ROBO2: variants seen among roughly 807,000 people sequenced by gnomAD.
ROBO2 encodes roundabout homolog 2.
A neutral mutation model predicts 160.8 loss-of-function variants in ROBO2; 53 were observed. The ratio of observed to expected loss-of-function variants is 0.33; its 90% CI spans 0.26 to 0.41. ROBO2 has a LOEUF of 0.41. ROBO2 is among the 10% of genes least tolerant of loss of function. The pLI, the probability that ROBO2 is intolerant of heterozygous loss-of-function variation, is 1.00. For synonymous variants in ROBO2, 664 were observed against 611.7 expected (o/e 1.09, Z -1.26); for missense variants, 1,577 against 1,722.4 (o/e 0.92, Z 1.49).
chr3:76,961,877 T>C (rs2079689420), intron 2 of ROBO2, among the ~76,000 whole-genome samples: 1 of 152,182 alleles, frequency 6.6e-6, no homozygotes, highest in Non-Finnish European at 1.5e-5. Context: ...ATTCAGCGAT[T>C]CATTCTTTGT....
In ROBO2 at chr3:77,317,128, T is replaced by C. The variant is rs554066106; in HGVS notation, c.389-160286T>C. ...GCTCTGGGTCACTCAGGAAGGACTTTGCAGTCTCAAAACGCATCTGGTACC... is the reference window on the plus strand; with the variant it reads ...GCTCTGGGTCACTCAGGAAGGACTTCGCAGTCTCAAAACGCATCTGGTACC... On this transcript the variant is annotated intron_variant, in intron 2 of 25. Coordinates refer to ENST00000461745, the Ensembl canonical transcript of ROBO2. 36 of 1,207,778 alleles carry C rather than the reference T, an allele frequency of 3.0e-5. No individual in the cohort carries two copies. The African/African-American group carries it at 5.2e-4, about 17-fold the overall frequency. The allele number at this position is 1,207,778 out of a possible 1,614,324, so 74.8% of individuals were successfully genotyped here.
At chr3:76,867,823 A>T (rs537486139) in intron 2 of ROBO2, among the ~76,000 whole-genome samples, 1 of 152,320 alleles carries the variant, frequency 6.6e-6, no homozygotes, top group African/African-American at 2.4e-5. Flanking sequence ...GCTTTCAATA[A>T]GAGAGAACAT....
chr3:76,273,030 A>T (rs1256727587), intron 2 of ROBO2, among the ~76,000 whole-genome samples: 1 of 100,322 alleles, frequency 1.0e-5, no homozygotes, highest in Non-Finnish European at 1.8e-5. Context: ...TATAATATAT[A>T]TTTATAAAAT....
chr3:77,412,337 G>C (rs2076871669), intron 2 of ROBO2, among the ~76,000 whole-genome samples: 1 of 152,212 alleles, frequency 6.6e-6, no homozygotes, highest in African/African-American at 2.4e-5. Flanking sequence ...ATGGGACAGA[G>C]CTGCTGAGCT....
rs568401584 is a variant in ROBO2 at position 77,422,360 on chromosome 3, A to G, written c.389-55054A>G. ...GAAGGCTAAGCAGGCATTTATAGCT[A>G]ATATGTACTTTTCTACTCCTCCATA... On this transcript the variant is annotated intron_variant, in intron 2 of 25. Coordinates refer to ENST00000461745, the Ensembl canonical transcript of ROBO2. 5.9e-5 allele frequency among the ~76,000 whole-genome samples: 9 copies of G among 152,270 alleles called. No individual in the cohort carries two copies. The East Asian group carries it at 1.7e-3, about 29-fold the overall frequency.
At chr3:76,710,336 GTCTTGA>G (rs909254959) in intron 2 of ROBO2, among the ~76,000 whole-genome samples, 3 of 152,120 alleles carry the variant, frequency 2.0e-5, no homozygotes, top group African/African-American at 7.2e-5. Flanking sequence ...GGCCAGGATG[GTCTTGA>G]TCCCTTGACC....
At chr3:76,589,810 C>T (rs2086298479) in intron 2 of ROBO2, among the ~76,000 whole-genome samples, 2 of 152,128 alleles carry the variant, frequency 1.3e-5, no homozygotes, top group Non-Finnish European at 2.9e-5. Flanking sequence ...CCACCCAGAG[C>T]TGTAATCCAA....
intron 2 of ROBO2, among the ~76,000 whole-genome samples, chr3:76,745,592 G>T (rs1240986727): frequency 6.6e-6 from 1 of 151,910 alleles, no homozygotes; most frequent in Non-Finnish European, 1.5e-5. Flanking sequence ...TTAGAATCTT[G>T]TCTCTGTTCC....
rs536559518 is a variant in ROBO2, at chr3:76,083,338, G to C, written c.109+145736G>C. ...TTTAGAGCATTTGGAAAAGTATTAAGATCAGGAAATAAAATGATAATATTT... is the reference window on the plus strand; with the variant it reads ...TTTAGAGCATTTGGAAAAGTATTAACATCAGGAAATAAAATGATAATATTT... On this transcript the variant is annotated intron_variant, in intron 2 of 26. Coordinates refer to the ROBO2 transcript ENST00000487694. Among the ~76,000 whole-genome samples, 26 of 152,232 alleles carry C rather than the reference G, an allele frequency of 1.7e-4. No individual in the cohort carries two copies. In the South Asian group the frequency reaches 5.0e-3, roughly 29 times the overall value.
At chr3:76,764,840 A>G (rs546902381) in intron 2 of ROBO2, among the ~76,000 whole-genome samples, 2 of 151,796 alleles carry the variant, frequency 1.3e-5, no homozygotes, top group African/African-American at 4.8e-5. Context: ...TAGCAAGACT[A>G]TTTCCAACTC....
chr3:76,750,727 C>G (rs1386455065), intron 2 of ROBO2, among the ~76,000 whole-genome samples: 1 of 151,984 alleles, frequency 6.6e-6, no homozygotes, highest in South Asian at 2.1e-4. Flanking sequence ...ACCTAGGAAT[C>G]CAACTTACAA....
intron 2 of ROBO2, among the ~76,000 whole-genome samples, chr3:77,340,179 A>G (rs1419949226): frequency 2.6e-5 from 4 of 152,142 alleles, no homozygotes; most frequent in Non-Finnish European, 5.9e-5. Flanking sequence ...TTTTTATCAG[A>G]TATTTCTAAA....
intron 2 of ROBO2, among the ~76,000 whole-genome samples, chr3:76,776,105 C>T (rs980329019): frequency 6.6e-5 from 10 of 150,766 alleles, no homozygotes; most frequent in African/African-American, 2.4e-4. Flanking sequence ...ATTATTATGC[C>T]TTGACAGAAC....
At chr3:77,351,658 G>T (rs558815822) in intron 2 of ROBO2, among the ~76,000 whole-genome samples, 2 of 152,066 alleles carry the variant, frequency 1.3e-5, no homozygotes, top group Non-Finnish European at 2.9e-5. Flanking sequence ...CATCAAGAAG[G>T]TCTCATTTAT....
chr3:76,700,928 A>C (rs948184873), intron 2 of ROBO2, among the ~76,000 whole-genome samples: 5 of 152,106 alleles, frequency 3.3e-5, no homozygotes, highest in Non-Finnish European at 5.9e-5. Flanking sequence ...GGACATTTTC[A>C]TTTTAAAGAA....
intron 21 of ROBO2, among the ~76,000 whole-genome samples, chr3:77,616,078 CAAAT>C (rs1583302044): frequency 1.3e-5 from 2 of 152,134 alleles, no homozygotes. Flanking sequence ...AACACAGAAA[CAAAT>C]AATCTCAATA....
chr3:76,093,673 C>A, intron 2 of ROBO2, among the ~76,000 whole-genome samples: 1 of 151,378 alleles, frequency 6.6e-6, no homozygotes, highest in Non-Finnish European at 1.5e-5. Flanking sequence ...AGTTGAGCTT[C>A]ATATCTAAAT....
intron 2 of ROBO2, among the ~76,000 whole-genome samples, chr3:76,054,385 A>G (rs1477735691): frequency 6.6e-6 from 1 of 152,154 alleles, no homozygotes; most frequent in Non-Finnish European, 1.5e-5. Context: ...TGAGGAATAA[A>G]CTTCTAAAAG....
chr3:76,188,830 A>G (rs1701878809), intron 2 of ROBO2, among the ~76,000 whole-genome samples: 1 of 152,098 alleles, frequency 6.6e-6, no homozygotes, highest in African/African-American at 2.4e-5. Context: ...TGCCTAGTAT[A>G]CAGGCAATCA....
Sources: allele counts gnomAD v4.1 joint callset (sites outside exome capture counted in the v4.1 genomes callset), GRCh38; gene constraint gnomAD v4.1.1; transcripts MANE v1.5; gene names NCBI Gene and HGNC (gene_info 2026-07-23, HGNC 2026-07-21).